The following PGGHG variants were observed in gnomAD, a reference collection of about 807,000 sequenced individuals.
The protein encoded by PGGHG is ATH1, acid trehalase-like 1.
In PGGHG, 67 loss-of-function variants were observed where a neutral mutation model predicts 74.5. That is an observed-to-expected ratio of 0.90 (90% CI 0.74 to 1.10). The LOEUF is 1.10. PGGHG is among the 50% of genes least tolerant of loss of function. The probability of loss-of-function intolerance (pLI) is 0.00; values close to 1 mark genes in which losing one functional copy is unlikely to be tolerated. For missense variants in PGGHG, 1,034 were observed against 981.5 expected (o/e 1.05, Z -0.72); for synonymous variants, 496 against 419.9 (o/e 1.18, Z -2.21).
rs749597039 is a variant in PGGHG, at chr11:291,099, G to A, written c.892G>A (p.Val298Ile). 31 of 1,585,064 alleles carry A rather than the reference G, an allele frequency of 2.0e-5. No individual in the cohort carries two copies. The highest frequency in any genetic ancestry group is 3.4e-4 in the Middle Eastern group (2 of 5,944). Residue 298 changes from valine to isoleucine, a missense_variant, in exon 4 of 14, where the codon GTC (valine) becomes ATC (isoleucine). Physicochemically the swap from Val to Ile is conservative, Grantham distance 29. Coordinates refer to ENST00000409548, the MANE Select transcript of PGGHG (RefSeq NM_025092.5). ...CCGTGAGGAATGCTACTGGGGCCAC[G>A]TCTTCTGGGACCAGGTGAGCACTGT... ...GSREECYWGH[V>I]FWDQDLWMFP...
At chr11:291,869 A>T in intron 4 of PGGHG, 107 bp from the exon 5 acceptor site, 2 of 1,442,308 alleles carry the variant, frequency 1.4e-6, no homozygotes, top group South Asian at 2.9e-5. Flanking sequence ...GCCGAGGAGG[A>T]ACCCAGAAGA....
intron 4 of PGGHG, chr11:291,750 C>A (rs1845728592): frequency 1.8e-6 from 1 of 552,466 alleles, no homozygotes; most frequent in African/African-American, 1.9e-5. Context: ...CACACAAACG[C>A]CGGCTGGGGA....
chr11:292,779 G>T, intron 6 of PGGHG, 102 bp downstream of exon 6: 1 of 1,606,766 alleles, frequency 6.2e-7, no homozygotes, highest in South Asian at 1.1e-5. Context: ...TGGGAAGCTG[G>T]CTGAGGACAG....
rs1301347950 is a variant in PGGHG, at chr11:293,640, C to T, written c.1527C>T (p.Val509=). The T allele has an allele frequency of 3.7e-6, 6 of 1,613,490 alleles. No individual in the cohort carries two copies. Among genetic ancestry groups the T allele is most frequent in the South Asian group, 3.3e-5 (3 of 91,088 alleles). Residue 509 remains valine, a synonymous_variant, in exon 10 of 14, where the codon GTC becomes GTT. Coordinates refer to ENST00000409548, the MANE Select transcript of PGGHG (RefSeq NM_025092.5). ...QADVVLLGYP[V]PFSLSPDVRR... The stretch of plus-strand genomic sequence containing the variant: ...ACGTCGTGCTCCTGGGATACCCAGT[C>T]CCCTTCTCCCTGAGTCCTGATGTTC...
chr11:290,020 C>T lies in PGGHG; in HGVS notation c.204C>T (p.Ala68=), dbSNP rs1425432792. ...LPSPLNVRLE[A]PAGMGEQLTE... is the part of the protein sequence containing the mutation. ...GCCCCCTCAACGTCCGGCTGGAGGC[C>T]CCTGCAGGGATGGGGGAGCAGCTGA... is the stretch of plus-strand genomic sequence containing the variant. Residue 68 remains alanine, a synonymous_variant, in exon 2 of 14, where the codon GCC becomes GCT. Transcript: ENST00000409548. The T allele has an allele frequency of 1.3e-6, 2 of 1,546,270 alleles. No homozygotes were observed. Among genetic ancestry groups the T allele is most frequent in the South Asian group, 2.4e-5 (2 of 84,012 alleles).
chr11:290,107 C>T (rs1386359756), intron 2 of PGGHG, 32 bp downstream of exon 2: 14 of 1,498,046 alleles, frequency 9.3e-6, no homozygotes, highest in Non-Finnish European at 1.2e-5. Flanking sequence ...CACCCCTGCC[C>T]CAGGCATTGT....
rs781218738 is a variant in PGGHG, at chr11:294,091, C to T, written c.1711-8C>T. ...GGGTCCTGGTGTCAGCTGCCCTTGCCCCTGCAGGTGTGGACGGAGAATGCA... is the reference window on the plus strand; with the variant it reads ...GGGTCCTGGTGTCAGCTGCCCTTGCTCCTGCAGGTGTGGACGGAGAATGCA... On this transcript the variant is annotated splice_polypyrimidine_tract_variant and splice_region_variant and intron_variant, in intron 11 of 13. Transcript: ENST00000409548. 3 of 1,598,856 alleles carry T rather than the reference C, an allele frequency of 1.9e-6. No individual in the cohort carries two copies. Among genetic ancestry groups the T allele is most frequent in the Admixed American group, 1.7e-5 (1 of 58,696 alleles).
rs1266108644 is a variant in PGGHG, at chr11:289,424, C to T, written c.-14+185C>T. The stretch of plus-strand genomic sequence containing the variant: ...CCCCCATCCCGCCCAGCGCTCCCCC[C>T]ACCCTCCACACACGCCCGCCCCCAC... On this transcript the variant is annotated intron_variant, in intron 1 of 13. Coordinates refer to ENST00000409548, the MANE Select transcript of PGGHG (RefSeq NM_025092.5). This position sits in a 1 kb window ranked among gnomAD's most constrained non-coding sequence, Gnocchi z 5.6. The T allele has an allele frequency of 6.2e-6, 1 of 161,590 alleles. No individual in the cohort carries two copies. The highest frequency in any genetic ancestry group is 6.2e-5 in the Admixed American group (1 of 16,220). 10.0% of individuals were successfully genotyped at this position (161,590 alleles called of 1,614,324 possible).
At position 289,402 on chromosome 11, in the gene PGGHG, C is replaced by T. The variant is rs1206426983; in HGVS notation, c.-14+163C>T. The stretch of plus-strand genomic sequence containing the variant: ...CCCCGGCAGCCCCGGACTCCCTCCC[C>T]CATCCCGCCCAGCGCTCCCCCCACC... On this transcript the variant is annotated intron_variant, in intron 1 of 13. Coordinates refer to ENST00000409548, the MANE Select transcript of PGGHG (RefSeq NM_025092.5). The surrounding 1 kb of genome is among the most constrained non-coding windows in gnomAD (Gnocchi z 5.6). Among the ~76,000 whole-genome samples the T allele has an allele frequency of 6.7e-6, 1 of 148,276 alleles. No individual in the cohort carries two copies. The highest frequency in any genetic ancestry group is 1.5e-5 in the Non-Finnish European group (1 of 66,620).
rs1217465950 is a variant in PGGHG at position 289,855 on chromosome 11, C to A, written c.39C>A (p.Ala13=). ...GCGAGGACCCCACCACGTTTGCTGC[C>A]CACTCTCTGCCCAGTGACCCCCGTC... The part of the protein sequence containing the change: ...DAGEDPTTFA[A]HSLPSDPRLL... Residue 13 remains alanine, a synonymous_variant, in exon 2 of 14, where the codon GCC becomes GCA. Transcript: ENST00000409548. The surrounding 1 kb of genome is among the most constrained non-coding windows in gnomAD (Gnocchi z 5.6). 8 of 1,550,964 alleles carry A rather than the reference C, an allele frequency of 5.2e-6. No individual in the cohort carries two copies. In the East Asian group the frequency reaches 1.2e-4, roughly 24 times the overall value.
chr11:294,223 G>A (rs367967814), intron 12 of PGGHG, 27 bp downstream of exon 12: 10 of 1,594,898 alleles, frequency 6.3e-6, no homozygotes, highest in Middle Eastern at 1.7e-4. Context: ...GCAGAGGGCA[G>A]CCCATGCCCC....
rs1845781207 is a variant in PGGHG, at chr11:293,252, C to T, written c.1343+17C>T. ...CCAGAACAGGTCAGACACAAGATCC[C>T]CTCACCTCACCCCACCCCCGCCCCA... On this transcript the variant is annotated intron_variant, in intron 8 of 13. Coordinates refer to ENST00000409548, the MANE Select transcript of PGGHG (RefSeq NM_025092.5). 4 of 1,609,722 alleles carry T rather than the reference C, an allele frequency of 2.5e-6. No homozygotes were observed. Among genetic ancestry groups the T allele is most frequent in the African/African-American group, 2.7e-5 (2 of 74,928 alleles).
Position 289,703 on chromosome 11 carries a change from A to C in PGGHG, c.-13-101A>C, listed in dbSNP as rs1303799825. On this transcript the variant is annotated intron_variant, in intron 1 of 13. Coordinates refer to ENST00000409548, the MANE Select transcript of PGGHG (RefSeq NM_025092.5). The surrounding 1 kb of genome is among the most constrained non-coding windows in gnomAD (Gnocchi z 5.6). ...TCGGGGCTGCCCAGCTGGTTCCGCA[A>C]CTCCCCCCAGTTCTGAGGGAGGCTT... 2.9e-6 allele frequency: 4 copies of C among 1,388,178 alleles called. No homozygotes were observed. The highest frequency in any genetic ancestry group is 3.8e-6 in the Non-Finnish European group (4 of 1,053,174). 86.0% of individuals were successfully genotyped at this position (1,388,178 alleles called of 1,614,324 possible).
chr11:290,131 G>C, intron 2 of PGGHG, 56 bp downstream of exon 2: 1 of 1,476,958 alleles, frequency 6.8e-7, no homozygotes. Flanking sequence ...AGGTCGGTGG[G>C]GCAACCACAG....
In PGGHG at chr11:293,451, C is replaced by A. The variant is rs780523720; in HGVS notation, c.1429C>A (p.Pro477Thr). 1.2e-6 allele frequency: 2 copies of A among 1,612,244 alleles called. No individual in the cohort carries two copies. The highest frequency in any genetic ancestry group is 2.7e-5 in the African/African-American group (2 of 75,032). ...WLAVADKIKV[P>T]FDVEQNFHPE... ...GGCGGTGGCTGACAAGATCAAGGTA[C>A]CCTTTGACGTGGAGCAGAACTTCCA... is the stretch of plus-strand genomic sequence containing the variant. The change falls in exon 9 of 14, where the codon CCC becomes ACC. Residue 477 changes from proline to threonine, a missense_variant. By Grantham distance (38) the Pro-to-Thr change is conservative. Coordinates refer to ENST00000409548, the MANE Select transcript of PGGHG (RefSeq NM_025092.5).
chr11:294,354 C>T lies in PGGHG; in HGVS notation c.1896C>T (p.Asn632=). ...TCTCCGGCATCTTCTACCAGGGGAACAAGCTCAACTTCTCTTTTTCCGAGG... is the reference window on the plus strand; with the variant it reads ...TCTCCGGCATCTTCTACCAGGGGAATAAGCTCAACTTCTCTTTTTCCGAGG... ...VSVSGIFYQG[N]KLNFSFSEDS... is the part of the protein sequence containing the mutation. Residue 632 remains asparagine, a synonymous_variant, in exon 13 of 14, where the codon AAC becomes AAT. Transcript: ENST00000409548. The T allele has an allele frequency of 1.9e-6, 3 of 1,613,144 alleles. No homozygotes were observed. Among genetic ancestry groups the T allele is most frequent in the Non-Finnish European group, 2.5e-6 (3 of 1,179,958 alleles).
At chr11:291,564 G>C (rs912006581) in intron 4 of PGGHG, 23 of 257,954 alleles carry the variant, frequency 8.9e-5, no homozygotes, top group Admixed American at 7.0e-4. Context: ...GGAGGGGCAT[G>C]ATGGCTGCTG....
At chr11:293,789 G>A (rs752100719) in intron 10 of PGGHG, 41 bp from the exon 11 acceptor site, 1 of 1,613,316 alleles carries the variant, frequency 6.2e-7, no homozygotes, top group African/African-American at 1.3e-5. Flanking sequence ...TGCCCACGCA[G>A]TGGGCCTCAC....
chr11:295,887 G>A lies in PGGHG; in HGVS notation c.*1138G>A, dbSNP rs987914789. 15 of 152,510 alleles carry A rather than the reference G, an allele frequency of 9.8e-5. No individual in the cohort carries two copies. The highest frequency in any genetic ancestry group is 3.4e-4 in the African/African-American group (14 of 41,584). 9.4% of individuals were successfully genotyped at this position (152,510 alleles called of 1,614,324 possible). A position where few individuals can be genotyped will look rare whatever the true frequency, so the allele number is the denominator to read the frequency against. The stretch of plus-strand genomic sequence containing the variant: ...AGCAGAGGTTTGGACGGAGACTCAG[G>A]GAGGGAGGGAAGGAGGCAAGGACGC... On this transcript the variant is annotated 3_prime_UTR_variant, in exon 14 of 14. Coordinates refer to ENST00000409548, the MANE Select transcript of PGGHG (RefSeq NM_025092.5).
Sources: allele counts gnomAD v4.1 joint callset (sites outside exome capture counted in the v4.1 genomes callset), GRCh38; gene constraint gnomAD v4.1.1; non-coding constraint Gnocchi (gnomAD v3.1); transcripts MANE v1.5; gene names NCBI Gene and HGNC (gene_info 2026-07-23, HGNC 2026-07-21).